CIT: variants seen among roughly 807,000 people sequenced by gnomAD.
CIT encodes the protein citron rho-interacting serine/threonine kinase.
Under a neutral mutation model 272.7 loss-of-function variants are expected in CIT, and 79 were observed. That is an observed-to-expected ratio of 0.29 (90% CI 0.24 to 0.35). The LOEUF is 0.35. Ranked by LOEUF, CIT falls within the 10% of genes least tolerant of loss-of-function variation. The pLI is 1.00. For missense variants in CIT, 1,909 were observed against 2,618.3 expected, an observed-to-expected ratio of 0.73 and a Z score of 5.91; for synonymous variants, 948 against 995.6, an observed-to-expected ratio of 0.95 and a Z score of 0.90.
chr12:119,686,981 G>T lies in CIT; in HGVS notation c.*1251C>A, dbSNP rs1955617209. The T allele has an allele frequency of 6.5e-6, 1 of 152,776 alleles. No individual in the cohort carries two copies. Among genetic ancestry groups the T allele is most frequent in the Admixed American group, 6.5e-5 (1 of 15,284 alleles). The allele number at this position is 152,776 out of a possible 1,614,324, so 9.5% of individuals were successfully genotyped here. A position where few individuals can be genotyped will look rare whatever the true frequency, so the allele number is the denominator to read the frequency against. ...GTGGGGTAGAACCGCGCTGGATTGG[G>T]TGTGAACAGAGTCATCCTCTGCAGG... On this transcript the variant is annotated 3_prime_UTR_variant, in exon 48 of 48. Transcript: ENST00000392521.
intron 10 of CIT, among the ~76,000 whole-genome samples, chr12:119,785,729 G>A (rs1018257837): frequency 6.6e-6 from 1 of 152,044 alleles, no homozygotes; most frequent in Non-Finnish European, 1.5e-5. Context: ...ACAGGTGCTC[G>A]TGACCGTGCC....
At chr12:119,696,981 T>A (rs1300810295) in intron 46 of CIT, among the ~76,000 whole-genome samples, 1 of 152,232 alleles carries the variant, frequency 6.6e-6, no homozygotes, top group Non-Finnish European at 1.5e-5. Context: ...TTTATTTAAC[T>A]GCTTCTTTAT....
Position 119,697,706 on chromosome 12 carries a change from C to T in CIT, c.5835G>A (p.Val1945=), listed in dbSNP as rs771095091. 1.9e-6 allele frequency: 3 copies of T among 1,614,078 alleles called. No homozygotes were observed. Among genetic ancestry groups the T allele is most frequent in the Non-Finnish European group, 2.5e-6 (3 of 1,180,052 alleles). ...LRVICCKGNL[V]KESGTEHHRG... ...GGTGGTGTTCAGTGCCGGACTCCTT[C>T]ACGAGGTTTCCCTTGCAGCAAATGA... Residue 1945 remains valine, a synonymous_variant, in exon 46 of 48, where the codon GTG becomes GTA. Coordinates refer to ENST00000392521, the MANE Select transcript of CIT (RefSeq NM_001206999.2). The surrounding 1 kb of genome is among the most constrained non-coding windows in gnomAD (Gnocchi z 4.9).
chr12:119,833,962 G>T, intron 6 of CIT, 124 bp downstream of exon 6: 1 of 1,009,438 alleles, frequency 9.9e-7, no homozygotes, highest in Non-Finnish European at 1.4e-6. Context: ...TTGGTAGACT[G>T]GCTAAAAACT....
Position 119,728,529 on chromosome 12 carries a change from T to C in CIT, c.3564A>G (p.Arg1188=). 6.2e-7 allele frequency: 1 copy of C among 1,613,350 alleles called. No individual in the cohort carries two copies. Residue 1188 remains arginine (R), a synonymous_variant, in exon 28 of 48, where the codon CGA becomes CGG. Coordinates refer to ENST00000392521, the MANE Select transcript of CIT (RefSeq NM_001206999.2). The surrounding 1 kb of genome is among the most constrained non-coding windows in gnomAD (Gnocchi z 4.3). ...RSLQQKLETE[R]ELKQRLLEEQ... ...CTTCCAGAAGCCTCTGTTTGAGCTC[T>C]CGTTCAGTCTCCAGCTTCTGCTGTA...
chr12:119,760,844 T>A, intron 20 of CIT, 95 bp downstream of exon 20: 1 of 824,526 alleles, frequency 1.2e-6, no homozygotes, highest in Admixed American at 2.0e-5. Context: ...ACAGAAGGAA[T>A]TTCACCAGGT....
intron 25 of CIT, 64 bp from the exon 26 acceptor site, chr12:119,734,421 G>C: frequency 6.5e-7 from 1 of 1,544,818 alleles, no homozygotes; most frequent in South Asian, 1.1e-5. Context: ...AGATTACTTT[G>C]GTCGGGTCAG....
Position 119,728,236 on chromosome 12 carries a change from A to C in CIT, c.3591+266T>G, listed in dbSNP as rs1315316563. Among the ~76,000 whole-genome samples the C allele has an allele frequency of 1.3e-5, 2 of 152,156 alleles. No homozygotes were observed. The highest frequency in any genetic ancestry group is 6.5e-5 in the Admixed American group (1 of 15,282). On this transcript the variant is annotated intron_variant, in intron 28 of 47. Coordinates refer to ENST00000392521, the MANE Select transcript of CIT (RefSeq NM_001206999.2). The surrounding 1 kb of genome is among the most constrained non-coding windows in gnomAD (Gnocchi z 4.3). ...TTTGTCAAAACCCATAGAACATACA[A>C]CACCAATAGCAAACCTAATTTAAAC...
rs375051794 is a variant in CIT at position 119,721,352 on chromosome 12, T to C, written c.3689A>G (p.Lys1230Arg). Residue 1230 changes from lysine (K) to arginine (R), a missense_variant, in exon 29 of 48, where the codon AAG (lysine) becomes AGG (arginine). Transcript: ENST00000392521. ...QEALDRADLLKTERSDLEYQL... is the reference protein window; with the variant it reads ...QEALDRADLLRTERSDLEYQL... Reference sequence around the variant, plus strand: ...ATACTCCAAGTCACTTCTTTCTGTCTTCAGTAGATCAGCCCGATCTAGAGC... The same window carrying C: ...ATACTCCAAGTCACTTCTTTCTGTCCTCAGTAGATCAGCCCGATCTAGAGC... The C allele has an allele frequency of 2.7e-5, 44 of 1,610,788 alleles. No homozygotes were observed. The highest frequency in any genetic ancestry group is 3.7e-5 in the Non-Finnish European group (43 of 1,177,318).
At chr12:119,820,765 G>C (rs1379435612) in intron 9 of CIT, among the ~76,000 whole-genome samples, 1 of 152,088 alleles carries the variant, frequency 6.6e-6, no homozygotes, top group Non-Finnish European at 1.5e-5. Flanking sequence ...GAGCTCAGGA[G>C]TTCAAGACCA....
rs56303497 is a variant in CIT, at chr12:119,708,223, T to C, written c.5167A>G (p.Ile1723Val). The C allele has an allele frequency of 5.3e-3, 8,520 of 1,605,510 alleles. 364 individuals carry two copies. In the African/African-American group the frequency reaches 0.096, roughly 18 times the overall value. The change falls in exon 40 of 48, where the codon ATT becomes GTT. Residue 1723 changes from isoleucine (I) to valine (V), a missense_variant. Ile to Val is a conservative substitution (Grantham distance 29). Around this residue, in one of 8 missense-constraint regions of CIT, gnomAD observed 780 missense variants for 1,067.2 expected, o/e 0.73. Coordinates refer to ENST00000392521, the MANE Select transcript of CIT (RefSeq NM_001206999.2). ...LPAQPDISPN[I>V]FEAVKGCHLF... ...TGGCAGCCCTTGACAGCTTCAAAAATGTTGGGTGAGATGTCGGGCTGGGCA... is the reference window on the plus strand; with the variant it reads ...TGGCAGCCCTTGACAGCTTCAAAAACGTTGGGTGAGATGTCGGGCTGGGCA...
At chr12:119,733,733 C>T (rs1423319349) in intron 26 of CIT, among the ~76,000 whole-genome samples, 1 of 151,778 alleles carries the variant, frequency 6.6e-6, no homozygotes, top group Non-Finnish European at 1.5e-5. Flanking sequence ...AGGACAGCCC[C>T]CATAACAAAG....
At position 119,850,292 on chromosome 12, in the gene CIT, CT is replaced by C. The variant is rs1223383654; in HGVS notation, c.415-18del. ...AAATGAAACCTAGGGAAAAAAGAAA[CT>C]GCTTAGACAATTATAAAGAACTGTG... is the stretch of plus-strand genomic sequence containing the variant. On this transcript the variant is annotated intron_variant, in intron 4 of 47. Coordinates refer to ENST00000392521, the MANE Select transcript of CIT (RefSeq NM_001206999.2). The C allele has an allele frequency of 6.6e-7, 1 of 1,513,832 alleles. No homozygotes were observed. The highest frequency in any genetic ancestry group is 9.2e-7 in the Non-Finnish European group (1 of 1,092,008). The allele number at this position is 1,513,832 out of a possible 1,614,324, so 93.8% of individuals were successfully genotyped here.
At chr12:119,782,809 C>T (rs2137693682) in intron 12 of CIT, 172 bp from the exon 13 acceptor site, 3 of 683,376 alleles carry the variant, frequency 4.4e-6, no homozygotes, top group Admixed American at 3.1e-5. Context: ...CTGTAAAACC[C>T]CTTGGTTCAA....
At chr12:119,862,877 G>A (rs1156265950) in intron 3 of CIT, among the ~76,000 whole-genome samples, 6 of 132,476 alleles carry the variant, frequency 4.5e-5, no homozygotes, top group South Asian at 2.5e-4. Context: ...AGGACTTTTA[G>A]GGAAGTGATT....
intron 3 of CIT, among the ~76,000 whole-genome samples, chr12:119,862,180 G>A (rs79107957): frequency 0.046 from 7,052 of 152,040 alleles, 302 homozygotes; most frequent in African/African-American, 0.11. Flanking sequence ...GTATTTTTAG[G>A]AGACTGGTAT....
chr12:119,780,389 C>T (rs1358074852), intron 13 of CIT, among the ~76,000 whole-genome samples: 4 of 152,040 alleles, frequency 2.6e-5, no homozygotes, highest in Admixed American at 6.6e-5. Context: ...GAGGCCAAGG[C>T]GGGCAGATCA....
chr12:119,810,537 T>C (rs910942046), intron 9 of CIT, among the ~76,000 whole-genome samples: 5 of 151,192 alleles, frequency 3.3e-5, no homozygotes, highest in African/African-American at 1.2e-4. Flanking sequence ...CCATCTCTAC[T>C]AAAAAAAATA....
chr12:119,836,013 G>A (rs554122062), intron 5 of CIT, among the ~76,000 whole-genome samples: 7 of 152,168 alleles, frequency 4.6e-5, no homozygotes, highest in African/African-American at 1.7e-4. Flanking sequence ...TATGGGCTGG[G>A]CACAGTGGCT....
Sources: allele counts gnomAD v4.1 joint callset (sites outside exome capture counted in the v4.1 genomes callset), GRCh38; gene constraint gnomAD v4.1.1; regional missense constraint gnomAD v4.1.1; non-coding constraint Gnocchi (gnomAD v3.1); transcripts MANE v1.5; gene names NCBI Gene and HGNC (gene_info 2026-07-23, HGNC 2026-07-21).